PHF20: variants seen among roughly 807,000 people sequenced by gnomAD.
PHF20 encodes the protein PHD finger protein 20, also known as glioma-expressed antigen 2.
Under a neutral mutation model 113.5 loss-of-function variants are expected in PHF20, and 23 were observed. The observed-to-expected ratio is 0.20, with a 90% confidence interval of 0.15 to 0.29. The LOEUF is 0.29. Ranked by LOEUF, PHF20 falls within the 10% of genes least tolerant of loss-of-function variation. The pLI, the probability that PHF20 is intolerant of heterozygous loss-of-function variation, is 1.00. For synonymous variants in PHF20, 434 were observed against 457.3 expected, an observed-to-expected ratio of 0.95 and a Z score of 0.65; for missense variants, 943 against 1,219.6, an observed-to-expected ratio of 0.77 and a Z score of 3.38.
chr20:35,891,503 C>A (rs2147038773), intron 9 of PHF20, among the ~76,000 whole-genome samples: 1 of 152,220 alleles, frequency 6.6e-6, no homozygotes, highest in South Asian at 2.1e-4. Flanking sequence ...TACAGGAATT[C>A]TTCGAGGCAG....
At chr20:35,907,166 C>T (rs904607589) in intron 10 of PHF20, among the ~76,000 whole-genome samples, 2 of 152,164 alleles carry the variant, frequency 1.3e-5, no homozygotes, top group Admixed American at 6.5e-5. Context: ...TGATGCTATT[C>T]TTTTCCCTCC....
chr20:35,798,992 T>C (rs1459755659), intron 1 of PHF20, among the ~76,000 whole-genome samples: 1 of 152,172 alleles, frequency 6.6e-6, no homozygotes, highest in Non-Finnish European at 1.5e-5. Flanking sequence ...ATGTAATATA[T>C]TGCAAGCAAA....
At chr20:35,892,056 T>G (rs893635620) in intron 9 of PHF20, among the ~76,000 whole-genome samples, 1 of 133,340 alleles carries the variant, frequency 7.5e-6, no homozygotes, top group East Asian at 2.0e-4. Flanking sequence ...TTTTTTTTTG[T>G]TTTTTTGTTT....
chr20:35,849,792 T>A lies in PHF20; in HGVS notation c.340+2358T>A, dbSNP rs572020989. 4.0e-5 allele frequency among the ~76,000 whole-genome samples: 6 copies of A among 150,532 alleles called. No homozygotes were observed. In the South Asian group the frequency reaches 1.3e-3, roughly 32 times the overall value. On this transcript the variant is annotated intron_variant, in intron 4 of 17. Transcript: ENST00000374012. ...TTATTTCCTGTAAATGTCACTTATG[T>A]CTTGTTGGTGCTGCCAGGAGGAGGC...
At chr20:35,935,572 G>T (rs1164727360) in intron 15 of PHF20, among the ~76,000 whole-genome samples, 1 of 152,190 alleles carries the variant, frequency 6.6e-6, no homozygotes, top group East Asian at 1.9e-4. Flanking sequence ...TTGCCATGTT[G>T]CCCAGGGTGG....
At chr20:35,920,993 C>T (rs562705190) in intron 13 of PHF20, among the ~76,000 whole-genome samples, 1 of 152,282 alleles carries the variant, frequency 6.6e-6, no homozygotes, top group East Asian at 1.9e-4. Context: ...CTTGTGAGGT[C>T]GGACATGTGA....
At chr20:35,826,108 G>A (rs1014852167) in intron 2 of PHF20, among the ~76,000 whole-genome samples, 14 of 152,040 alleles carry the variant, frequency 9.2e-5, no homozygotes, top group Non-Finnish European at 1.5e-4. Flanking sequence ...GCAGTGGCAC[G>A]TTCTCGGCTT....
chr20:35,782,662 G>A (rs1441361431), intron 1 of PHF20: 1 of 152,168 alleles, frequency 6.6e-6, no homozygotes, highest in African/African-American at 2.4e-5. Context: ...GAGTTTGAGT[G>A]CCTGTATTTG....
intron 6 of PHF20, among the ~76,000 whole-genome samples, chr20:35,865,996 G>A (rs925833325): frequency 8.6e-5 from 13 of 151,726 alleles, no homozygotes; most frequent in Non-Finnish European, 1.9e-4. Context: ...GTCACCTGAG[G>A]TCAGGAGTTC....
At position 35,932,428 on chromosome 20, in the gene PHF20, A is replaced by ATTTTT. The variant is rs753265544; in HGVS notation, c.2300+1000_2300+1004dup. On this transcript the variant is annotated intron_variant, in intron 15 of 17. Transcript: ENST00000374012. ...TAATATAAAATTTACCATCTTAACC[A>ATTTTT]TTTTTTTTTTTTTTTTTTTTGAGAC... Among the ~76,000 whole-genome samples the ATTTTT allele has an allele frequency of 7.8e-4, 82 of 104,660 alleles. 5 individuals carry two copies. The highest frequency in any genetic ancestry group is 2.4e-3 in the African/African-American group (63 of 26,120). 68.7% of individuals were successfully genotyped at this position (104,660 alleles called of 152,430 possible). A position where few individuals can be genotyped will look rare whatever the true frequency, so the allele number is the denominator to read the frequency against.
At chr20:35,834,043 G>C (rs925524250) in intron 2 of PHF20, among the ~76,000 whole-genome samples, 2 of 151,596 alleles carry the variant, frequency 1.3e-5, no homozygotes, top group African/African-American at 4.8e-5. Context: ...GGGCGACAGA[G>C]TGAGATTCCG....
intron 1 of PHF20, among the ~76,000 whole-genome samples, chr20:35,797,322 G>A (rs374397243): frequency 7.9e-5 from 12 of 151,816 alleles, no homozygotes; most frequent in African/African-American, 2.2e-4. Flanking sequence ...AGACCAGCCT[G>A]GCCAACATGG....
intron 6 of PHF20, 71 bp downstream of exon 6, chr20:35,863,471 G>T (rs73095524): frequency 0.038 from 52,999 of 1,400,482 alleles, 1,255 homozygotes; most frequent in Non-Finnish European, 0.043. Flanking sequence ...GTGGTTCTTT[G>T]TAACTTGTGT....
intron 4 of PHF20, 55 bp from the exon 5 acceptor site, chr20:35,858,247 T>G: frequency 1.1e-6 from 1 of 935,560 alleles, no homozygotes; most frequent in Non-Finnish European, 1.7e-6. Context: ...CTTTGAAAAG[T>G]TACCACTTTT....
chr20:35,889,593 C>T (rs2054810126), intron 9 of PHF20, among the ~76,000 whole-genome samples: 2 of 151,894 alleles, frequency 1.3e-5, no homozygotes, highest in Admixed American at 6.6e-5. Context: ...CAACTCCTGA[C>T]CTCAAGTGAT....
chr20:35,945,285 A>T (rs2056065629), intron 17 of PHF20, among the ~76,000 whole-genome samples: 1 of 152,102 alleles, frequency 6.6e-6, no homozygotes, highest in Non-Finnish European at 1.5e-5. Flanking sequence ...AGCAAGGCAG[A>T]CTCAGCCTTT....
chr20:35,826,481 T>G (rs2042264097), intron 2 of PHF20, among the ~76,000 whole-genome samples: 1 of 151,334 alleles, frequency 6.6e-6, no homozygotes, highest in Non-Finnish European at 1.5e-5. Context: ...AGGAAGAGAG[T>G]CGCCAGTAAT....
At chr20:35,921,564 G>C (rs1338641033) in intron 13 of PHF20, among the ~76,000 whole-genome samples, 1 of 151,942 alleles carries the variant, frequency 6.6e-6, no homozygotes, top group Non-Finnish European at 1.5e-5. Context: ...CATGCCAGCA[G>C]ACCCAACTAC....
chr20:35,811,051 T>TA (rs1569131177), intron 2 of PHF20, among the ~76,000 whole-genome samples: 6 of 152,122 alleles, frequency 3.9e-5, no homozygotes. Context: ...ACTTTTTTTT[T>TA]ATTTTCATTT....
Sources: gnomAD v4.1 joint callset for allele counts (sites outside exome capture counted in the v4.1 genomes callset) on GRCh38, gnomAD v4.1.1 for gene constraint, MANE v1.5 for transcripts, NCBI Gene and HGNC (gene_info 2026-07-23, HGNC 2026-07-21) for gene names.